Variants in PRDM5 observed in about 807,000 individuals in gnomAD.
The protein encoded by PRDM5 is PR/SET domain 5, also known as PR domain zinc finger protein 5.
Under a neutral mutation model 81.2 loss-of-function variants are expected in PRDM5, and 56 were observed. That is an observed-to-expected ratio of 0.69 (90% CI 0.56 to 0.86). PRDM5 has a LOEUF of 0.86. Ranked by LOEUF, PRDM5 falls within the 40% of genes least tolerant of loss-of-function variation. PRDM5 has a pLI of 0.00. For synonymous variants in PRDM5, 267 were observed against 256.4 expected (o/e 1.04, Z -0.39); for missense variants, 697 against 770.1 (o/e 0.91, Z 1.12).
At chr4:120,848,584 A>G (rs2149408066) in intron 3 of PRDM5, among the ~76,000 whole-genome samples, 1 of 152,288 alleles carries the variant, frequency 6.6e-6, no homozygotes, top group Non-Finnish European at 1.5e-5. Context: ...TAAGTGAATA[A>G]CTGCTAACTG....
chr4:120,843,593 A>T (rs2149397901), intron 3 of PRDM5, among the ~76,000 whole-genome samples: 1 of 151,858 alleles, frequency 6.6e-6, no homozygotes, highest in African/African-American at 2.4e-5. Context: ...GGTCACAGCT[A>T]CTTGGAAGGA....
intron 12 of PRDM5, among the ~76,000 whole-genome samples, chr4:120,778,930 G>A (rs1183192144): frequency 2.6e-5 from 4 of 151,854 alleles, no homozygotes; most frequent in Non-Finnish European, 5.9e-5. Flanking sequence ...CTGACAGAAG[G>A]GGCAAAATAT....
intron 13 of PRDM5, among the ~76,000 whole-genome samples, chr4:120,758,552 G>T (rs192613438): frequency 6.6e-6 from 1 of 152,020 alleles, no homozygotes; most frequent in Non-Finnish European, 1.5e-5. Context: ...GAATTATGCC[G>T]CCACAAGCCA....
chr4:120,696,091 G>A (rs944789118), intron 15 of PRDM5, among the ~76,000 whole-genome samples: 1 of 151,800 alleles, frequency 6.6e-6, no homozygotes, highest in Non-Finnish European at 1.5e-5. Flanking sequence ...CTTTCTTTAC[G>A]GAGGAAAGAA....
At chr4:120,907,348 A>AG (rs1304369707) in intron 2 of PRDM5, 126 bp downstream of exon 2, 2 of 890,152 alleles carry the variant, frequency 2.2e-6, no homozygotes, top group African/African-American at 3.4e-5. Context: ...AAAAAAAAAA[A>AG]AAACCTAAAA....
At chr4:120,915,547 C>T (rs1724042214) in intron 1 of PRDM5, among the ~76,000 whole-genome samples, 1 of 152,180 alleles carries the variant, frequency 6.6e-6, no homozygotes, top group Non-Finnish European at 1.5e-5. Flanking sequence ...TGACAGTGTA[C>T]ACCTCCTGTC....
At chr4:120,720,974 A>G (rs1462635987) in intron 14 of PRDM5, among the ~76,000 whole-genome samples, 2 of 152,248 alleles carry the variant, frequency 1.3e-5, no homozygotes, top group African/African-American at 4.8e-5. Flanking sequence ...AAAGTGTTGC[A>G]TACAGTCTTT....
At chr4:120,855,616 A>T (rs1759785137) in intron 2 of PRDM5, among the ~76,000 whole-genome samples, 1 of 152,234 alleles carries the variant, frequency 6.6e-6, no homozygotes, top group South Asian at 2.1e-4. Context: ...AGAGTAAACA[A>T]ATAATTTTAA....
intron 1 of PRDM5, among the ~76,000 whole-genome samples, chr4:120,686,405 T>C (rs1381462542): frequency 1.3e-5 from 2 of 152,154 alleles, no homozygotes; most frequent in Non-Finnish European, 2.9e-5. Flanking sequence ...ATTGTACCTT[T>C]GTTAAAGTAT....
At chr4:120,799,187 A>T (rs1751773575) in intron 9 of PRDM5, among the ~76,000 whole-genome samples, 1 of 152,156 alleles carries the variant, frequency 6.6e-6, no homozygotes, top group African/African-American at 2.4e-5. Flanking sequence ...AAACTTACAT[A>T]CTCAAAATGT....
chr4:120,726,013 C>A (rs1739352919), intron 14 of PRDM5, among the ~76,000 whole-genome samples: 1 of 152,144 alleles, frequency 6.6e-6, no homozygotes, highest in Non-Finnish European at 1.5e-5. Flanking sequence ...TCCCATCACA[C>A]ACTGCCCCAC....
chr4:120,692,164 T>A lies in PRDM5; in HGVS notation c.*2947A>T, dbSNP rs1033475977. The A allele has an allele frequency of 7.2e-5, 11 of 152,084 alleles. No homozygotes were observed. The highest frequency in any genetic ancestry group is 5.9e-4 in the Admixed American group (9 of 15,246). 9.4% of individuals were successfully genotyped at this position (152,084 alleles called of 1,614,324 possible). ...AAAAAATGAATATTTCTAGTACTTATCCTCTTTCCTTTCATGCTTTTGTTT... is the reference window on the plus strand; with the variant it reads ...AAAAAATGAATATTTCTAGTACTTAACCTCTTTCCTTTCATGCTTTTGTTT... On this transcript the variant is annotated 3_prime_UTR_variant, in exon 16 of 16. Coordinates refer to ENST00000264808, the MANE Select transcript of PRDM5 (RefSeq NM_018699.4).
intron 1 of PRDM5, 36 bp downstream of exon 1, chr4:120,922,480 G>A (rs774829335): frequency 2.7e-5 from 42 of 1,566,386 alleles, no homozygotes; most frequent in African/African-American, 1.1e-4. Flanking sequence ...GGCGCGCGAG[G>A]TGCAGGGGCG....
At chr4:120,705,100 A>G (rs975198220) in intron 15 of PRDM5, among the ~76,000 whole-genome samples, 15 of 152,206 alleles carry the variant, frequency 9.9e-5, no homozygotes, top group African/African-American at 3.6e-4. Context: ...TTAGCAAGCA[A>G]GAGAGTATGA....
chr4:120,768,871 G>C (rs1746804085), intron 13 of PRDM5, among the ~76,000 whole-genome samples: 1 of 152,136 alleles, frequency 6.6e-6, no homozygotes, highest in African/African-American at 2.4e-5. Context: ...GTTAGATCTT[G>C]AACCATGTTA....
rs1749575664 is a variant in PRDM5, at chr4:120,785,044, C to A, written c.1236G>T (p.Leu412Phe). 1.9e-6 allele frequency: 3 copies of A among 1,611,784 alleles called. No individual in the cohort carries two copies. The highest frequency in any genetic ancestry group is 1.7e-6 in the Non-Finnish European group (2 of 1,178,332). The change falls in exon 11 of 16, where the codon TTG becomes TTT. Residue 412 changes from leucine to phenylalanine, a missense_variant. Leu to Phe is a conservative substitution (Grantham distance 22). This residue lies in a region of PRDM5 where 577 missense variants were observed against 606.7 expected (regional missense o/e 0.95). Coordinates refer to ENST00000264808, the MANE Select transcript of PRDM5 (RefSeq NM_018699.4). ...RPFQCEECKALFRTPFSLQRH... is the reference protein window; with the variant it reads ...RPFQCEECKAFFRTPFSLQRH... ...TCTGTAAAGAAAATGGGGTCCGGAA[C>A]AAAGCTTTACATTCTTCACATTGGA... is the stretch of plus-strand genomic sequence containing the variant.
At chr4:120,739,497 AG>A (rs1381551989) in intron 14 of PRDM5, among the ~76,000 whole-genome samples, 1 of 152,200 alleles carries the variant, frequency 6.6e-6, no homozygotes, top group East Asian at 1.9e-4. Context: ...AAAAAACTGT[AG>A]AAAAATCACA....
intron 8 of PRDM5, among the ~76,000 whole-genome samples, chr4:120,809,093 C>T (rs548434661): frequency 5.3e-5 from 8 of 152,304 alleles, no homozygotes; most frequent in East Asian, 1.9e-4. Flanking sequence ...CAAGATGGAG[C>T]GAAGGCTGCG....
chr4:120,834,376 T>C (rs1757101074), intron 3 of PRDM5, among the ~76,000 whole-genome samples: 1 of 152,028 alleles, frequency 6.6e-6, no homozygotes, highest in South Asian at 2.1e-4. Flanking sequence ...CCTAGAGAGC[T>C]CCCTTACTTT....
Sources: allele counts gnomAD v4.1 joint callset (sites outside exome capture counted in the v4.1 genomes callset), GRCh38; gene constraint gnomAD v4.1.1; regional missense constraint gnomAD v4.1.1; transcripts MANE v1.5; gene names NCBI Gene and HGNC (gene_info 2026-07-23, HGNC 2026-07-21).